Variants in PLCE1 observed in about 807,000 individuals in gnomAD.
PLCE1 encodes the protein 1-phosphatidylinositol 4,5-bisphosphate phosphodiesterase epsilon-1.
Under a neutral mutation model 242.8 loss-of-function variants are expected in PLCE1, and 119 were observed. The observed-to-expected ratio is 0.49, with a 90% CI of 0.42 to 0.57. PLCE1 has a LOEUF of 0.57. Ranked by LOEUF, PLCE1 falls within the 20% of genes least tolerant of loss-of-function variation. The pLI, the probability that PLCE1 is intolerant of heterozygous loss-of-function variation, is 0.00. For missense variants in PLCE1, 2,441 were observed against 2,788.8 expected (o/e 0.88, Z 2.81); for synonymous variants, 945 against 1,017.4 (o/e 0.93, Z 1.35).
At chr10:94,125,739 C>T (rs2046419394) in intron 2 of PLCE1, among the ~76,000 whole-genome samples, 1 of 152,102 alleles carries the variant, frequency 6.6e-6, no homozygotes, top group African/African-American at 2.4e-5. Context: ...AGAAGATATG[C>T]CATCAGATCT....
intron 1 of PLCE1, among the ~76,000 whole-genome samples, chr10:94,017,730 C>T (rs148367564): frequency 6.4e-4 from 97 of 152,230 alleles, no homozygotes; most frequent in Non-Finnish European, 9.6e-4. Flanking sequence ...CCATCTGCTA[C>T]GGCTTTGTGG....
chr10:94,222,771 C>T (rs1166355861), intron 4 of PLCE1, among the ~76,000 whole-genome samples: 1 of 152,180 alleles, frequency 6.6e-6, no homozygotes, highest in East Asian at 1.9e-4. Context: ...ACCCCCACCC[C>T]CACTGCCCTC....
intron 2 of PLCE1, among the ~76,000 whole-genome samples, chr10:94,043,955 A>G (rs980928200): frequency 1.1e-4 from 17 of 152,224 alleles, no homozygotes; most frequent in Non-Finnish European, 2.4e-4. Context: ...ATCCAGAATG[A>G]ATGGTCTTGG....
intron 2 of PLCE1, among the ~76,000 whole-genome samples, chr10:94,048,218 A>C (rs1359958585): frequency 6.6e-6 from 1 of 152,130 alleles, no homozygotes; most frequent in Non-Finnish European, 1.5e-5. Context: ...GGTATTTTAA[A>C]CAATCCATCC....
chr10:94,227,187 G>C, intron 4 of PLCE1, 119 bp from the exon 5 acceptor site: 1 of 936,032 alleles, frequency 1.1e-6, no homozygotes, highest in South Asian at 1.4e-5. Context: ...AGGACCTACA[G>C]GTCTTTCATT....
intron 8 of PLCE1, among the ~76,000 whole-genome samples, chr10:94,251,201 A>G (rs753529446): frequency 4.6e-5 from 7 of 152,206 alleles, no homozygotes; most frequent in Admixed American, 4.6e-4. Context: ...ATAAGTCACA[A>G]TGTCCCACTA....
intron 4 of PLCE1, among the ~76,000 whole-genome samples, chr10:94,225,674 T>C (rs755277808): frequency 6.6e-6 from 1 of 152,148 alleles, no homozygotes; most frequent in African/African-American, 2.4e-5. Context: ...TTTCACCAGA[T>C]GAAAGAGCAC....
At chr10:94,289,687 T>C (rs1159932942) in intron 22 of PLCE1, among the ~76,000 whole-genome samples, 1 of 152,164 alleles carries the variant, frequency 6.6e-6, no homozygotes, top group African/African-American at 2.4e-5. Flanking sequence ...AATTATGACA[T>C]AAAAGATTTA....
chr10:94,090,827 C>T (rs751414999), intron 2 of PLCE1, among the ~76,000 whole-genome samples: 26 of 152,194 alleles, frequency 1.7e-4, no homozygotes, highest in Non-Finnish European at 3.4e-4. Context: ...GCATTTTAAC[C>T]ATTGTATTTT....
intron 4 of PLCE1, among the ~76,000 whole-genome samples, chr10:94,199,119 CATTATAT>C (rs1398642412): frequency 6.6e-6 from 1 of 152,152 alleles, no homozygotes; most frequent in African/African-American, 2.4e-5. Flanking sequence ...AGTAGCATGT[CATTATAT>C]GAATCTACCA....
intron 3 of PLCE1, among the ~76,000 whole-genome samples, chr10:94,147,605 G>T (rs191535034): frequency 6.6e-6 from 1 of 152,304 alleles, no homozygotes; most frequent in East Asian, 1.9e-4. Flanking sequence ...TGACAGCGGA[G>T]GGGGCTGGAT....
chr10:94,260,067 G>A (rs1255748258), intron 13 of PLCE1, among the ~76,000 whole-genome samples: 1 of 152,130 alleles, frequency 6.6e-6, no homozygotes, highest in East Asian at 1.9e-4. Context: ...AATTCAAGAT[G>A]AAATTTGGGT....
At chr10:93,994,983 G>A (rs1040601565) in intron 1 of PLCE1, among the ~76,000 whole-genome samples, 1 of 152,226 alleles carries the variant, frequency 6.6e-6, no homozygotes, top group Non-Finnish European at 1.5e-5. Context: ...AATTTCAGTT[G>A]CATTATGCAA....
intron 4 of PLCE1, among the ~76,000 whole-genome samples, chr10:94,215,805 C>G (rs1050919115): frequency 1.3e-5 from 2 of 152,156 alleles, no homozygotes; most frequent in African/African-American, 4.8e-5. Context: ...CACCTGTAGT[C>G]CCAACTACTG....
intron 2 of PLCE1, chr10:94,104,166 A>G (rs1271345374): frequency 6.6e-6 from 1 of 152,198 alleles, no homozygotes; most frequent in Admixed American, 6.5e-5. Context: ...TATTTTATAA[A>G]CACATATATG....
intron 29 of PLCE1, among the ~76,000 whole-genome samples, chr10:94,317,353 T>C (rs2053611305): frequency 6.6e-6 from 1 of 152,156 alleles, no homozygotes; most frequent in Non-Finnish European, 1.5e-5. Context: ...AAGCAAAGAT[T>C]CCTTATGCAT....
At chr10:94,167,518 T>TA (rs397695915) in intron 3 of PLCE1, among the ~76,000 whole-genome samples, 13 of 152,062 alleles carry the variant, frequency 8.5e-5, no homozygotes, top group East Asian at 1.9e-4. Context: ...TCTTTTTTTT[T>TA]AATTTTATTA....
intron 2 of PLCE1, among the ~76,000 whole-genome samples, chr10:94,094,142 C>T (rs1330681206): frequency 1.3e-5 from 2 of 150,392 alleles, no homozygotes; most frequent in South Asian, 2.1e-4. Flanking sequence ...GGGGTTTCAC[C>T]GTTTTAGCCG....
chr10:94,035,038 T>C (rs1182919059), intron 2 of PLCE1, among the ~76,000 whole-genome samples: 1 of 152,102 alleles, frequency 6.6e-6, no homozygotes, highest in African/African-American at 2.4e-5. Context: ...TGATTCCACA[T>C]GAAACCTGAG....
Sources: allele counts gnomAD v4.1 joint callset (sites outside exome capture counted in the v4.1 genomes callset), GRCh38; gene constraint gnomAD v4.1.1; transcripts MANE v1.5; gene names NCBI Gene and HGNC (gene_info 2026-07-23, HGNC 2026-07-21).